GPATCH2: variants seen among roughly 807,000 people sequenced by gnomAD.
The protein encoded by GPATCH2 is G-patch domain containing 2, also known as G patch domain-containing protein 2.
Under a neutral mutation model 58.0 loss-of-function variants are expected in GPATCH2, and 51 were observed. The observed-to-expected ratio is 0.88, with a 90% CI of 0.70 to 1.11. The LOEUF (loss-of-function observed/expected upper bound fraction) is 1.11. GPATCH2 is among the 50% of genes most tolerant of loss of function. The pLI is 0.00. For missense variants in GPATCH2, 625 were observed against 652.2 expected, an observed-to-expected ratio of 0.96 and a Z score of 0.45; for synonymous variants, 222 against 218.5, an observed-to-expected ratio of 1.02 and a Z score of -0.14.
intron 8 of GPATCH2, among the ~76,000 whole-genome samples, chr1:217,479,706 TAGAC>T (rs1661132489): frequency 6.6e-6 from 1 of 152,078 alleles, no homozygotes; most frequent in Non-Finnish European, 1.5e-5. Flanking sequence ...CTCCAGTTAA[TAGAC>T]AGAGAATGGC....
Position 217,449,346 on chromosome 1 carries a change from A to G in GPATCH2, c.1278-9T>C. 6.6e-7 allele frequency: 1 copy of G among 1,504,524 alleles called. No individual in the cohort carries two copies. The highest frequency in any genetic ancestry group is 1.1e-5 in the South Asian group (1 of 88,780). The allele number at this position is 1,504,524 out of a possible 1,614,324, so 93.2% of individuals were successfully genotyped here. A position where few individuals can be genotyped will look rare whatever the true frequency, so the allele number is the denominator to read the frequency against. The stretch of plus-strand genomic sequence containing the variant: ...AATGCATGCTTGTTTGCCTACGAAT[A>G]ATTATCAGAAAAAACTATTAACAAA... On this transcript the variant is annotated splice_polypyrimidine_tract_variant and intron_variant, in intron 8 of 9. Transcript: ENST00000366935.
At chr1:217,489,599 A>G (rs1661622347) in intron 8 of GPATCH2, among the ~76,000 whole-genome samples, 2 of 152,350 alleles carry the variant, frequency 1.3e-5, no homozygotes, top group South Asian at 4.1e-4. Flanking sequence ...ACAGTGGCTC[A>G]TGCCTGTAAT....
At chr1:217,544,036 C>A (rs1392375644) in intron 5 of GPATCH2, among the ~76,000 whole-genome samples, 2 of 152,114 alleles carry the variant, frequency 1.3e-5, no homozygotes, top group Non-Finnish European at 2.9e-5. Context: ...TGAGTTACTA[C>A]CTTTATAAAG....
intron 5 of GPATCH2, among the ~76,000 whole-genome samples, chr1:217,533,619 T>C (rs909361998): frequency 6.6e-6 from 1 of 152,200 alleles, no homozygotes; most frequent in Admixed American, 6.5e-5. Flanking sequence ...CTCCCATACA[T>C]TGCTCAGTGT....
At chr1:217,471,893 T>G (rs1367684000) in intron 8 of GPATCH2, among the ~76,000 whole-genome samples, 1 of 152,184 alleles carries the variant, frequency 6.6e-6, no homozygotes, top group Non-Finnish European at 1.5e-5. Context: ...GTTTAGCAAC[T>G]AAGTGAAAGT....
chr1:217,630,796 C>T, intron 1 of GPATCH2, 120 bp downstream of exon 1: 1 of 710,136 alleles, frequency 1.4e-6, no homozygotes. Context: ...AGAGCAAGGC[C>T]TAGATGTCTT....
intron 8 of GPATCH2, among the ~76,000 whole-genome samples, chr1:217,478,671 A>C (rs974981619): frequency 2.0e-5 from 3 of 152,166 alleles, no homozygotes; most frequent in African/African-American, 7.2e-5. Context: ...AATTGGCCTT[A>C]AAAAGTGGGA....
At chr1:217,531,815 T>A in intron 5 of GPATCH2, among the ~76,000 whole-genome samples, 1 of 152,304 alleles carries the variant, frequency 6.6e-6, no homozygotes. Flanking sequence ...TGTCAAGCAC[T>A]AGCATATACT....
chr1:217,552,492 A>T (rs1330275232), intron 5 of GPATCH2, among the ~76,000 whole-genome samples: 1 of 152,148 alleles, frequency 6.6e-6, no homozygotes, highest in African/African-American at 2.4e-5. Context: ...GGGCAAAGGG[A>T]GAAGAGTCTA....
chr1:217,547,043 A>T lies in GPATCH2; in HGVS notation c.1099-32154T>A, dbSNP rs1264146454. On this transcript the variant is annotated intron_variant, in intron 5 of 9. Transcript: ENST00000366935. The stretch of plus-strand genomic sequence containing the variant: ...AAATGCAAATGAAAACCACAATGAG[A>T]TACTATCTCACACCAGTCAGAACAG... Among the ~76,000 whole-genome samples, 3 of 152,158 alleles carry T rather than the reference A, an allele frequency of 2.0e-5. No individual in the cohort carries two copies. In the East Asian group the frequency reaches 5.8e-4, roughly 29 times the overall value.
intron 8 of GPATCH2, among the ~76,000 whole-genome samples, chr1:217,454,211 T>A (rs1305816434): frequency 6.6e-6 from 1 of 152,176 alleles, no homozygotes; most frequent in Non-Finnish European, 1.5e-5. Flanking sequence ...CTTTTTTTCC[T>A]TTAGTACCCA....
chr1:217,547,596 A>G (rs1267178026), intron 5 of GPATCH2, among the ~76,000 whole-genome samples: 1 of 152,218 alleles, frequency 6.6e-6, no homozygotes, highest in Non-Finnish European at 1.5e-5. Flanking sequence ...AGCACTATTC[A>G]CAATAGCAAA....
chr1:217,510,366 T>C (rs923611576), intron 6 of GPATCH2, among the ~76,000 whole-genome samples: 2 of 151,882 alleles, frequency 1.3e-5, no homozygotes, highest in African/African-American at 4.8e-5. Context: ...TCCTCCACCA[T>C]TTATTTAAAA....
chr1:217,572,421 TATAC>T (rs1217157137), intron 5 of GPATCH2, among the ~76,000 whole-genome samples: 1 of 152,196 alleles, frequency 6.6e-6, no homozygotes, highest in Non-Finnish European at 1.5e-5. Context: ...AAGGCAAATA[TATAC>T]ATTGTCATCA....
chr1:217,490,548 C>T (rs1661672947), intron 8 of GPATCH2, among the ~76,000 whole-genome samples: 1 of 152,106 alleles, frequency 6.6e-6, no homozygotes, highest in Non-Finnish European at 1.5e-5. Flanking sequence ...AGTTTTCCAT[C>T]TCCTTGAATT....
intron 5 of GPATCH2, among the ~76,000 whole-genome samples, chr1:217,544,775 A>C (rs1429192792): frequency 6.6e-6 from 1 of 152,192 alleles, no homozygotes; most frequent in Non-Finnish European, 1.5e-5. Context: ...CCACCTTAGC[A>C]AACAAATTTG....
At chr1:217,541,934 T>C (rs1302927813) in intron 5 of GPATCH2, among the ~76,000 whole-genome samples, 4 of 152,180 alleles carry the variant, frequency 2.6e-5, no homozygotes, top group Non-Finnish European at 4.4e-5. Flanking sequence ...GTATTCCATC[T>C]GGGAAGATTG....
At chr1:217,571,011 A>G (rs1245977444) in intron 5 of GPATCH2, among the ~76,000 whole-genome samples, 2 of 152,234 alleles carry the variant, frequency 1.3e-5, no homozygotes, top group Non-Finnish European at 2.9e-5. Context: ...GATGTTTCCA[A>G]TGGCAGCCTA....
chr1:217,610,555 A>G (rs1406594948), intron 4 of GPATCH2, among the ~76,000 whole-genome samples, 155 bp from the exon 5 acceptor site: 1 of 152,190 alleles, frequency 6.6e-6, no homozygotes, highest in Admixed American at 6.5e-5. Flanking sequence ...ACACTTAAAA[A>G]AACTGAAGCA....
Sources: allele counts gnomAD v4.1 joint callset (sites outside exome capture counted in the v4.1 genomes callset), GRCh38; gene constraint gnomAD v4.1.1; transcripts MANE v1.5; gene names NCBI Gene and HGNC (gene_info 2026-07-23, HGNC 2026-07-21).